Variants in FAM186A observed in about 807,000 individuals in gnomAD.
FAM186A encodes the protein family with sequence similarity 186 member A, also known as protein FAM186A.
Under a neutral mutation model 216.8 loss-of-function variants are expected in FAM186A, and 163 were observed. That is an observed-to-expected ratio of 0.75 (90% CI 0.66 to 0.86). The LOEUF (loss-of-function observed/expected upper bound fraction) is 0.86. Ranked by LOEUF, FAM186A falls within the 40% of genes least tolerant of loss-of-function variation. The pLI is 0.00. For missense variants in FAM186A, 2,184 were observed against 2,746.2 expected, an observed-to-expected ratio of 0.80 and a Z score of 4.58; for synonymous variants, 805 against 1,025.3, an observed-to-expected ratio of 0.79 and a Z score of 4.10.
rs1351327561 is a variant in FAM186A, at chr12:50,350,925, G to A, written c.5907C>T (p.Ile1969=). 4.5e-6 allele frequency: 7 copies of A among 1,551,454 alleles called. No individual in the cohort carries two copies. Among genetic ancestry groups the A allele is most frequent in the Non-Finnish European group, 6.1e-6 (7 of 1,146,918 alleles). The change falls in exon 4 of 8, where the codon ATC becomes ATT. Residue 1969 remains isoleucine (I), a synonymous_variant. Coordinates refer to ENST00000327337, the MANE Select transcript of FAM186A (RefSeq NM_001145475.3). Reference sequence around the variant, plus strand: ...CCTTGAAATCTGGAGCACTAGGATGGATCAATACTGATTTAGATTTCAGAG... The same window carrying A: ...CCTTGAAATCTGGAGCACTAGGATGAATCAATACTGATTTAGATTTCAGAG... ...ISSLKSKSVL[I]HPSAPDFKVA...
chr12:50,365,697 A>G, intron 1 of FAM186A: 1 of 739,710 alleles, frequency 1.4e-6, no homozygotes, highest in Non-Finnish European at 2.5e-6. Context: ...CAAGAATCAC[A>G]AAAGGCATTT....
At chr12:50,338,945 T>C (rs1028560213) in intron 4 of FAM186A, among the ~76,000 whole-genome samples, 1 of 152,228 alleles carries the variant, frequency 6.6e-6, no homozygotes, top group Non-Finnish European at 1.5e-5. Flanking sequence ...CAATTCCAGA[T>C]TAGATTAGCA....
chr12:50,356,153 G>C lies in FAM186A; in HGVS notation c.679C>G (p.Gln227Glu). ...GAAACCTTTGTATTTGTTGCAAGTT[G>C]ATCACTAATCATCTGATCTGGTCTT... The part of the protein sequence containing the change: ...ALRPDQMISD[Q>E]LATNTKVSEI... Residue 227 changes from glutamine to glutamate, a missense_variant, in exon 4 of 8, where the codon CAA (glutamine) becomes GAA (glutamate). Transcript: ENST00000327337. 6.4e-7 allele frequency: 1 copy of C among 1,551,562 alleles called. No homozygotes were observed. Among genetic ancestry groups the C allele is most frequent in the Non-Finnish European group, 8.7e-7 (1 of 1,146,964 alleles).
intron 5 of FAM186A, among the ~76,000 whole-genome samples, chr12:50,333,596 T>C (rs148748728): frequency 1.6e-4 from 25 of 152,236 alleles, no homozygotes; most frequent in African/African-American, 5.8e-4. Context: ...ATTGGAATTA[T>C]GTGGCTACAA....
At position 50,355,570 on chromosome 12, in the gene FAM186A, C is replaced by T. The variant is rs758514666; in HGVS notation, c.1262G>A (p.Arg421Gln). ...ATCTTCAGAAGCAACAGGTTGCTGT[C>T]GTAGTTCAGTTAAATCTGGAGTTCT... ...AERTPDLTELRQQPVASEDIS... is the reference protein window; with the variant it reads ...AERTPDLTELQQQPVASEDIS... The change falls in exon 4 of 8, where the codon CGA becomes CAA. Residue 421 changes from arginine (R) to glutamine (Q), a missense_variant. Physicochemically the swap from Arg to Gln is conservative, Grantham distance 43. Transcript: ENST00000327337. 5.8e-6 allele frequency: 9 copies of T among 1,551,574 alleles called. No homozygotes were observed. Among genetic ancestry groups the T allele is most frequent in the East Asian group, 2.4e-5 (1 of 40,902 alleles).
chr12:50,391,605 C>T (rs369291166), intron 1 of FAM186A, among the ~76,000 whole-genome samples: 1 of 151,124 alleles, frequency 6.6e-6, no homozygotes, highest in African/African-American at 2.4e-5. Context: ...TGAGCCACCA[C>T]GCCTGGCCTA....
intron 1 of FAM186A, among the ~76,000 whole-genome samples, chr12:50,382,090 C>T (rs1017121420): frequency 6.6e-6 from 1 of 152,072 alleles, no homozygotes; most frequent in African/African-American, 2.4e-5. Flanking sequence ...TTTCTCTGCT[C>T]TGCCCACCCT....
At position 50,350,998 on chromosome 12, in the gene FAM186A, T is replaced by C. The variant is rs1942872034; in HGVS notation, c.5834A>G (p.Lys1945Arg). 1.3e-6 allele frequency: 2 copies of C among 1,551,530 alleles called. No individual in the cohort carries two copies. The highest frequency in any genetic ancestry group is 4.9e-5 in the East Asian group (2 of 40,924). ...CTTAGCAACAGAAGGGGACCAACTT[T>C]TCTGGGGCTTTCCAGGGGCTGGGGA... is the stretch of plus-strand genomic sequence containing the variant. ...WPSPAPGKPQKSWSPSVAKKR... is the reference protein window; with the variant it reads ...WPSPAPGKPQRSWSPSVAKKR... The change falls in exon 4 of 8, where the codon AAA (lysine) becomes AGA (arginine). Residue 1945 changes from lysine to arginine, a missense_variant. Lys to Arg is a conservative substitution (Grantham distance 26). This residue lies in a region of FAM186A where 721 missense variants were observed against 816.4 expected (regional missense o/e 0.88). Transcript: ENST00000327337.
chr12:50,391,707 C>T (rs2136108782), intron 1 of FAM186A, among the ~76,000 whole-genome samples: 1 of 150,368 alleles, frequency 6.7e-6, no homozygotes, highest in Middle Eastern at 3.4e-3. Context: ...GCCTCCTAGG[C>T]AGATTCTCAT....
chr12:50,350,621 G>C lies in FAM186A; in HGVS notation c.6211C>G (p.Pro2071Ala). 6.4e-7 allele frequency: 1 copy of C among 1,551,644 alleles called. No homozygotes were observed. Among genetic ancestry groups the C allele is most frequent in the Non-Finnish European group, 8.7e-7 (1 of 1,146,986 alleles). ...PLEWYQKSRF[P>A]PIDKPWILSS... ...AGTATCCAGGGCTTGTCTATAGGAG[G>C]GAATCGGGATTTCTGGTACCATTCC... Residue 2071 changes from proline (P) to alanine (A), a missense_variant, in exon 4 of 8, where the codon CCT becomes GCT. Transcript: ENST00000327337.
intron 1 of FAM186A, among the ~76,000 whole-genome samples, chr12:50,382,962 G>A (rs1943266762): frequency 6.6e-6 from 1 of 151,914 alleles, no homozygotes; most frequent in Admixed American, 6.6e-5. Flanking sequence ...GTCGGGCATA[G>A]CGGCTCATGC....
chr12:50,381,525 C>T (rs935420019), intron 1 of FAM186A, among the ~76,000 whole-genome samples: 1 of 151,186 alleles, frequency 6.6e-6, no homozygotes, highest in South Asian at 2.1e-4. Context: ...GCCTGGACAA[C>T]AGAGCAAGAT....
intron 1 of FAM186A, among the ~76,000 whole-genome samples, chr12:50,391,097 T>C (rs570701081): frequency 6.2e-4 from 94 of 152,084 alleles, no homozygotes; most frequent in African/African-American, 2.2e-3. Flanking sequence ...CAAGCAATTT[T>C]CCTGCCTCAG....
intron 1 of FAM186A, among the ~76,000 whole-genome samples, chr12:50,386,832 G>A (rs12820390): frequency 0.12 from 17,449 of 150,126 alleles, 1,418 homozygotes; most frequent in Non-Finnish European, 0.18. Flanking sequence ...AGCCGAGATC[G>A]TGCCACTGCA....
chr12:50,372,099 A>G (rs1242212296), intron 1 of FAM186A, among the ~76,000 whole-genome samples: 1 of 152,070 alleles, frequency 6.6e-6, no homozygotes, highest in South Asian at 2.1e-4. Flanking sequence ...GGCGTGAGCC[A>G]TCGTGGCTGG....
At chr12:50,378,855 T>C (rs1288341510) in intron 1 of FAM186A, among the ~76,000 whole-genome samples, 1 of 152,098 alleles carries the variant, frequency 6.6e-6, no homozygotes, top group East Asian at 1.9e-4. Context: ...GGAATATACC[T>C]TGGAGGTACA....
chr12:50,336,124 CA>C (rs55946153), intron 4 of FAM186A, among the ~76,000 whole-genome samples: 48 of 133,352 alleles, frequency 3.6e-4, no homozygotes, highest in East Asian at 1.7e-3. Context: ...GACTCCATCT[CA>C]AAAAAAAAAA....
chr12:50,348,038 ATTTTTTTTTTT>A (rs71083540), intron 4 of FAM186A, among the ~76,000 whole-genome samples: 2 of 81,340 alleles, frequency 2.5e-5, no homozygotes, highest in African/African-American at 5.0e-5. Context: ...ATGCCTGGTA[ATTTTTTTTTTT>A]TTTTTTTTTT....
At chr12:50,349,250 C>G (rs954581514) in intron 4 of FAM186A, among the ~76,000 whole-genome samples, 2 of 150,896 alleles carry the variant, frequency 1.3e-5, no homozygotes, top group Non-Finnish European at 2.9e-5. Context: ...CTTGCTCTGT[C>G]ACCCAGGCTG....
Sources: gnomAD v4.1 joint callset for allele counts (sites outside exome capture counted in the v4.1 genomes callset) on GRCh38, gnomAD v4.1.1 for gene constraint, gnomAD v4.1.1 regional missense constraint, MANE v1.5 for transcripts, NCBI Gene and HGNC (gene_info 2026-07-23, HGNC 2026-07-21) for gene names.